Variants in PDXDC1 observed in about 807,000 individuals in gnomAD.
PDXDC1 encodes the protein pyridoxal-dependent decarboxylase domain-containing protein 1.
In PDXDC1, 42 loss-of-function variants were observed where a neutral mutation model predicts 100.1. The ratio of observed to expected loss-of-function variants is 0.42; its 90% confidence interval spans 0.33 to 0.54. PDXDC1 has a LOEUF of 0.54. Ranked by LOEUF, PDXDC1 falls within the 20% of genes least tolerant of loss-of-function variation. PDXDC1 has a pLI of 0.10. For missense variants in PDXDC1, 636 were observed against 979.2 expected, an observed-to-expected ratio of 0.65 and a Z score of 4.68; for synonymous variants, 260 against 371.7, an observed-to-expected ratio of 0.70 and a Z score of 3.46.
At chr16:15,083,237 A>G (rs1173674382) in intron 16 of PDXDC1, among the ~76,000 whole-genome samples, 1 of 152,122 alleles carries the variant, frequency 6.6e-6, no homozygotes, top group Non-Finnish European at 1.5e-5. Context: ...TGTCTCTACT[A>G]AAAATACAAA....
At chr16:14,995,073 A>ATGT (rs1170753708) in intron 1 of PDXDC1, among the ~76,000 whole-genome samples, 6 of 152,298 alleles carry the variant, frequency 3.9e-5, no homozygotes, top group African/African-American at 1.4e-4. Context: ...ATATACAATC[A>ATGT]TGTCATCTGC....
intron 16 of PDXDC1, chr16:15,125,647 G>A: frequency 2.4e-6 from 3 of 1,248,644 alleles, no homozygotes; most frequent in Non-Finnish European, 3.5e-6. Context: ...CGCCAAGGCG[G>A]CAGGACCCCC....
chr16:15,068,373 A>C, intron 16 of PDXDC1: 25 of 1,432,652 alleles, frequency 1.7e-5, no homozygotes, highest in Non-Finnish European at 2.2e-5. Context: ...CATTTAAAAA[A>C]AACTTTAAAA....
downstream of PDXDC1, among the ~76,000 whole-genome samples, chr16:15,042,844 T>A (rs1263674261): frequency 6.6e-6 from 1 of 151,812 alleles, no homozygotes; most frequent in East Asian, 1.9e-4. Flanking sequence ...GCGATTCTCC[T>A]GCCTCAGCCT....
intron 16 of PDXDC1, among the ~76,000 whole-genome samples, chr16:15,078,616 G>C (rs981832864): frequency 2.0e-5 from 3 of 152,132 alleles, no homozygotes; most frequent in African/African-American, 7.2e-5. Flanking sequence ...TGAGCATCCA[G>C]GCTCTTGGTT....
At chr16:15,088,767 A>T (rs1414284454) in intron 16 of PDXDC1, among the ~76,000 whole-genome samples, 1 of 152,220 alleles carries the variant, frequency 6.6e-6, no homozygotes, top group East Asian at 1.9e-4. Flanking sequence ...ATAGTGACCA[A>T]GCCAACAGAT....
chr16:15,023,574 G>C (rs2042363022), intron 13 of PDXDC1, among the ~76,000 whole-genome samples: 1 of 152,284 alleles, frequency 6.6e-6, no homozygotes, highest in African/African-American at 2.4e-5. Context: ...TGAAAGAATT[G>C]CTTGAACCCG....
chr16:15,015,074 A>T (rs2041681999), intron 8 of PDXDC1, among the ~76,000 whole-genome samples: 1 of 152,252 alleles, frequency 6.6e-6, no homozygotes, highest in South Asian at 2.1e-4. Context: ...AGTACCTGGG[A>T]CTATAGGCGC....
Position 15,022,684 on chromosome 16 carries a change from T to A in PDXDC1, c.1090-20T>A. 1 of 1,610,616 alleles carries A rather than the reference T, an allele frequency of 6.2e-7. No individual in the cohort carries two copies. The highest frequency in any genetic ancestry group is 8.5e-7 in the Non-Finnish European group (1 of 1,178,140). On this transcript the variant is annotated intron_variant, in intron 12 of 22. Transcript: ENST00000396410. ...TCCCACGTCCATCTAATTACATGTG[T>A]TATTTTTTGTCATTTGCAGAGTCAA...
At chr16:15,019,302 G>A (rs1465170627) in intron 12 of PDXDC1, among the ~76,000 whole-genome samples, 4 of 152,288 alleles carry the variant, frequency 2.6e-5, no homozygotes, top group Non-Finnish European at 5.9e-5. Flanking sequence ...TTGATTGACT[G>A]ACTACGGTGA....
chr16:15,126,142 G>A (rs1476039022), intron 16 of PDXDC1, among the ~76,000 whole-genome samples: 1 of 151,618 alleles, frequency 6.6e-6, no homozygotes, highest in Non-Finnish European at 1.5e-5. Context: ...TCAGGCGATT[G>A]TCCTGGCTCA....
At chr16:15,062,858 G>A (rs1202045064) in intron 16 of PDXDC1, among the ~76,000 whole-genome samples, 1 of 152,172 alleles carries the variant, frequency 6.6e-6, no homozygotes, top group Non-Finnish European at 1.5e-5. Context: ...AGTAAGACAC[G>A]GTTTTGGTGT....
intron 16 of PDXDC1, among the ~76,000 whole-genome samples, chr16:15,091,633 C>T (rs1442909543): frequency 6.6e-6 from 1 of 152,028 alleles, no homozygotes; most frequent in Non-Finnish European, 1.5e-5. Context: ...GTTGATACTC[C>T]TGCGAATTCT....
At chr16:15,143,861 C>T (rs918250074), downstream of PDXDC1, among the ~76,000 whole-genome samples, 21 of 152,302 alleles carry the variant, frequency 1.4e-4, no homozygotes, top group African/African-American at 3.6e-4. Flanking sequence ...GTCTGGGGGC[C>T]GGACGGAGCC....
chr16:15,124,867 G>A (rs2047619010), intron 16 of PDXDC1, among the ~76,000 whole-genome samples: 2 of 151,914 alleles, frequency 1.3e-5, no homozygotes, highest in Middle Eastern at 3.4e-3. Flanking sequence ...CCCTAGATTT[G>A]GCTGGGCATG....
chr16:15,015,078 T>C (rs905936447), intron 8 of PDXDC1, among the ~76,000 whole-genome samples: 3 of 152,214 alleles, frequency 2.0e-5, no homozygotes, highest in Non-Finnish European at 2.9e-5. Flanking sequence ...CCTGGGACTA[T>C]AGGCGCCCAC....
At chr16:15,044,425 C>A (rs551229558) in intron 16 of PDXDC1, 4 of 1,588,760 alleles carry the variant, frequency 2.5e-6, no homozygotes, top group Non-Finnish European at 3.5e-6. Flanking sequence ...AGAGATGAGA[C>A]GGGTCAGAGG....
At position 15,036,465 on chromosome 16, in the gene PDXDC1, A is replaced by C. The variant is rs937079061; in HGVS notation, c.*190A>C. 2 of 505,278 alleles carry C rather than the reference A, an allele frequency of 4.0e-6. No homozygotes were observed. The highest frequency in any genetic ancestry group is 6.9e-6 in the Non-Finnish European group (2 of 291,042). 31.3% of individuals were successfully genotyped at this position (505,278 alleles called of 1,614,324 possible). ...AGTCAGCTTGTCTAACTTCATGTACATGTAGAACCACGTTTGCTGTCCTAC... is the reference window on the plus strand; with the variant it reads ...AGTCAGCTTGTCTAACTTCATGTACCTGTAGAACCACGTTTGCTGTCCTAC... On this transcript the variant is annotated 3_prime_UTR_variant, in exon 23 of 23. Transcript: ENST00000396410.
intron 16 of PDXDC1, among the ~76,000 whole-genome samples, chr16:15,050,498 T>A (rs534455068): frequency 3.3e-5 from 5 of 152,274 alleles, no homozygotes; most frequent in Admixed American, 1.3e-4. Context: ...TTTGGGAGGC[T>A]GAGGAGGGAG....
Sources: gnomAD v4.1 joint callset for allele counts (sites outside exome capture counted in the v4.1 genomes callset) on GRCh38, gnomAD v4.1.1 for gene constraint, MANE v1.5 for transcripts, NCBI Gene and HGNC (gene_info 2026-07-23, HGNC 2026-07-21) for gene names.